CEP192: variants seen among roughly 807,000 people sequenced by gnomAD.
The protein encoded by CEP192 is centrosomal protein 192.
Under a neutral mutation model 271.8 loss-of-function variants are expected in CEP192, and 151 were observed. That is an observed-to-expected ratio of 0.56 (90% CI 0.49 to 0.64). The LOEUF is 0.64. CEP192 is among the 30% of genes least tolerant of loss of function. CEP192 has a pLI of 0.00. For synonymous variants in CEP192, 995 were observed against 1,076.5 expected (o/e 0.92, Z 1.48); for missense variants, 2,910 against 3,020.5 (o/e 0.96, Z 0.86).
intron 4 of CEP192, among the ~76,000 whole-genome samples, chr18:13,010,330 C>T (rs1287252745): frequency 2.0e-5 from 3 of 152,084 alleles, no homozygotes; most frequent in Non-Finnish European, 4.4e-5. Flanking sequence ...TAGTTCAGTA[C>T]TCAAAAGGAC....
At chr18:13,051,445 A>G (rs2036784896) in intron 17 of CEP192, among the ~76,000 whole-genome samples, 1 of 152,196 alleles carries the variant, frequency 6.6e-6, no homozygotes, top group African/African-American at 2.4e-5. Context: ...CGGGAGCTAA[A>G]GAAGGCCTGA....
intron 32 of CEP192, among the ~76,000 whole-genome samples, chr18:13,088,526 T>A (rs529813849): frequency 6.6e-6 from 1 of 152,320 alleles, no homozygotes; most frequent in East Asian, 1.9e-4. Context: ...TTGATTTAAG[T>A]TTAGGCGTGA....
chr18:12,995,241 A>G (rs1044674238), intron 1 of CEP192, among the ~76,000 whole-genome samples: 1 of 149,652 alleles, frequency 6.7e-6, no homozygotes, highest in Non-Finnish European at 1.5e-5. Flanking sequence ...TTTTTTTTGT[A>G]TTTTAGTAGA....
chr18:13,016,834 G>A (rs1031662732), intron 6 of CEP192, among the ~76,000 whole-genome samples: 3 of 151,874 alleles, frequency 2.0e-5, no homozygotes, highest in Non-Finnish European at 4.4e-5. Context: ...TCCTGTGATA[G>A]GCTCATCTAT....
At chr18:13,097,203 C>G (rs770265230) in intron 36 of CEP192, among the ~76,000 whole-genome samples, 1 of 152,176 alleles carries the variant, frequency 6.6e-6, no homozygotes, top group Non-Finnish European at 1.5e-5. Flanking sequence ...AGGTTCCTCA[C>G]AGCCCGCTTT....
chr18:13,093,474 A>G (rs554336825), intron 34 of CEP192, among the ~76,000 whole-genome samples: 1 of 152,334 alleles, frequency 6.6e-6, no homozygotes, highest in South Asian at 2.1e-4. Context: ...GAGATGATAC[A>G]GAAGGTTCAA....
chr18:13,094,749 C>G (rs2039308412), intron 34 of CEP192, among the ~76,000 whole-genome samples: 1 of 152,194 alleles, frequency 6.6e-6, no homozygotes, highest in Admixed American at 6.5e-5. Context: ...CAAATCCACA[C>G]ACTTCTGTAT....
chr18:13,028,966 G>A (rs79050731), intron 9 of CEP192, among the ~76,000 whole-genome samples: 6,638 of 152,310 alleles, frequency 0.044, 219 homozygotes, highest in East Asian at 0.14. Context: ...CAGAAACTGT[G>A]CCTTACCAGG....
Position 13,049,000 on chromosome 18 carries a change from A to G in CEP192, c.2209A>G (p.Met737Val), listed in dbSNP as rs934764957. The G allele has an allele frequency of 3.1e-6, 5 of 1,614,218 alleles. No homozygotes were observed. Among genetic ancestry groups the G allele is most frequent in the Non-Finnish European group, 3.4e-6 (4 of 1,180,028 alleles). The change falls in exon 16 of 45, where the codon ATG becomes GTG. Residue 737 changes from methionine to valine, a missense_variant. Transcript: ENST00000506447. ...VNTDPSQLAA[M>V]IKALSNKTRD... is the part of the protein sequence containing the mutation. ...TACTGATCCTTCCCAACTTGCTGCAATGATCAAGGCACTTTCAAATAAAAC... is the reference window on the plus strand; with the variant it reads ...TACTGATCCTTCCCAACTTGCTGCAGTGATCAAGGCACTTTCAAATAAAAC...
In CEP192 at chr18:13,123,319, C is replaced by G. The variant is rs73419545; in HGVS notation, c.7476-1313C>G. Reference sequence around the variant, plus strand: ...TGTAATGCATTTGGGGAAAATAACCCAGACTTTAAATAAAAACATATAGAG... The same window carrying G: ...TGTAATGCATTTGGGGAAAATAACCGAGACTTTAAATAAAAACATATAGAG... On this transcript the variant is annotated intron_variant, in intron 44 of 44. Transcript: ENST00000506447. Among the ~76,000 whole-genome samples, 1,399 of 152,118 alleles carry G rather than the reference C, an allele frequency of 9.2e-3. 28 individuals are homozygous for G. Among genetic ancestry groups the G allele is most frequent in the African/African-American group, 0.032 (1,340 of 41,480 alleles).
rs773085711 is a variant in CEP192, at chr18:13,116,523, A to G, written c.7416+20A>G. On this transcript the variant is annotated intron_variant, in intron 43 of 44. Coordinates refer to ENST00000506447, the MANE Select transcript of CEP192 (RefSeq NM_032142.4). ...CACTCAGTAAGTTGGAAATATTACTATGGGTTTTGGAAAAATACATGCATT... is the reference window on the plus strand; with the variant it reads ...CACTCAGTAAGTTGGAAATATTACTGTGGGTTTTGGAAAAATACATGCATT... 1.5e-5 allele frequency: 23 copies of G among 1,578,870 alleles called. No homozygotes were observed. The highest frequency in any genetic ancestry group is 1.4e-4 in the African/African-American group (10 of 72,708).
intron 36 of CEP192, among the ~76,000 whole-genome samples, chr18:13,098,423 CG>C (rs1253829940): frequency 1.4e-5 from 2 of 146,914 alleles, no homozygotes; most frequent in South Asian, 2.2e-4. Flanking sequence ...ACTTCTCAGA[CG>C]GGGCGGCTGC....
At chr18:13,061,817 G>C (rs2037423566) in intron 21 of CEP192, among the ~76,000 whole-genome samples, 1 of 152,122 alleles carries the variant, frequency 6.6e-6, no homozygotes, top group African/African-American at 2.4e-5. Context: ...CTACCCACTG[G>C]GTGTCAGTAA....
Position 13,049,168 on chromosome 18 carries a change from T to C in CEP192, c.2377T>C (p.Tyr793His), listed in dbSNP as rs1427816170. 3 of 1,614,002 alleles carry C rather than the reference T, an allele frequency of 1.9e-6. No homozygotes were observed. The highest frequency in any genetic ancestry group is 2.7e-5 in the African/African-American group (2 of 75,048). ...CCTTAAAAAAACAGAAGTTAGTAGATATGAAAGTGCATTGGAAAACTTTTC... is the reference window on the plus strand; with the variant it reads ...CCTTAAAAAAACAGAAGTTAGTAGACATGAAAGTGCATTGGAAAACTTTTC... ...KYLKKTEVSRYESALENFSRA... is the reference protein window; with the variant it reads ...KYLKKTEVSRHESALENFSRA... The change falls in exon 16 of 45, where the codon TAT (tyrosine) becomes CAT (histidine). Residue 793 changes from tyrosine to histidine, a missense_variant. Physicochemically the swap from Tyr to His is moderately conservative, Grantham distance 83. Transcript: ENST00000506447.
chr18:13,042,449 G>T, intron 15 of CEP192, 115 bp downstream of exon 15: 1 of 1,107,318 alleles, frequency 9.0e-7, no homozygotes, highest in Non-Finnish European at 1.3e-6. Flanking sequence ...TTCTTTCCTG[G>T]CTTCAGATTT....
intron 11 of CEP192, among the ~76,000 whole-genome samples, chr18:13,035,927 T>C (rs1598420192): frequency 6.6e-6 from 1 of 152,262 alleles, no homozygotes; most frequent in South Asian, 2.1e-4. Flanking sequence ...AGTGAATTGC[T>C]TGAGCCCAGG....
At chr18:13,053,990 CTAA>C (rs2036947011) in intron 18 of CEP192, among the ~76,000 whole-genome samples, 2 of 152,164 alleles carry the variant, frequency 1.3e-5, no homozygotes, top group African/African-American at 4.8e-5. Context: ...CCACATCTGG[CTAA>C]TTAAAACAAA....
chr18:13,067,336 G>T (rs2037764551), intron 21 of CEP192, among the ~76,000 whole-genome samples: 1 of 152,168 alleles, frequency 6.6e-6, no homozygotes, highest in South Asian at 2.1e-4. Context: ...CCACATGTGG[G>T]TGTGTGAGGG....
chr18:13,031,361 C>T (rs1319612508), intron 11 of CEP192, among the ~76,000 whole-genome samples: 1 of 150,744 alleles, frequency 6.6e-6, no homozygotes, highest in African/African-American at 2.4e-5. Context: ...CATTCTCCTG[C>T]CTCAGCCTCC....
Sources: allele counts gnomAD v4.1 joint callset (sites outside exome capture counted in the v4.1 genomes callset), GRCh38; gene constraint gnomAD v4.1.1; transcripts MANE v1.5; gene names NCBI Gene and HGNC (gene_info 2026-07-23, HGNC 2026-07-21).